The following BRD3 variants were observed in gnomAD, a reference collection of about 807,000 sequenced individuals.
BRD3 encodes bromodomain-containing protein 3.
Under a neutral mutation model 66.8 loss-of-function variants are expected in BRD3, and 17 were observed. The ratio of observed to expected loss-of-function variants is 0.25; its 90% CI spans 0.17 to 0.38. BRD3 has a LOEUF of 0.38. Among genes scored for constraint, BRD3 ranks in the 10% least tolerant of loss-of-function variants. The pLI, the probability that BRD3 is intolerant of heterozygous loss-of-function variation, is 1.00. For synonymous variants in BRD3, 421 were observed against 393.2 expected, an observed-to-expected ratio of 1.07 and a Z score of -0.84; for missense variants, 713 against 956.1, an observed-to-expected ratio of 0.75 and a Z score of 3.35.
At chr9:134,049,243 TCAGCACC>T (rs932490107) in intron 5 of BRD3, among the ~76,000 whole-genome samples, 6 of 152,220 alleles carry the variant, frequency 3.9e-5, no homozygotes, top group Admixed American at 2.0e-4. Flanking sequence ...TGCAAGGGCC[TCAGCACC>T]CAGCACCCAT....
intron 9 of BRD3, among the ~76,000 whole-genome samples, chr9:134,037,106 A>G (rs977710416): frequency 1.3e-5 from 2 of 152,334 alleles, no homozygotes; most frequent in African/African-American, 2.4e-5. Flanking sequence ...AGAAGACCCC[A>G]CTTACATAGT....
At chr9:134,050,665 G>T in intron 4 of BRD3, 77 bp from the exon 5 acceptor site, 1 of 1,216,290 alleles carries the variant, frequency 8.2e-7, no homozygotes, top group Non-Finnish European at 1.2e-6. Context: ...CACCCCTCCA[G>T]CCAGAACACG....
intron 3 of BRD3, among the ~76,000 whole-genome samples, 171 bp from the exon 4 acceptor site, chr9:134,051,880 GT>G (rs777755860): frequency 0.013 from 1,451 of 113,622 alleles, 49 homozygotes; most frequent in African/African-American, 0.031. Flanking sequence ...TGTGTGTGTT[GT>G]TTTTTTTGTT....
At position 134,051,647 on chromosome 9, in the gene BRD3, G is replaced by C; in HGVS notation, c.414C>G (p.Ala138=). Residue 138 remains alanine (A), a synonymous_variant, in exon 4 of 12, where the codon GCC becomes GCG. Transcript: ENST00000303407. ...ALEKIFLQKV[A]QMPQEEVELL... ...ATTCAACTTCCTCTTGGGGCATCTGGGCCACTTTTTGTAGAAAAATTTTCT... is the reference window on the plus strand; with the variant it reads ...ATTCAACTTCCTCTTGGGGCATCTGCGCCACTTTTTGTAGAAAAATTTTCT... The C allele has an allele frequency of 1.3e-6, 2 of 1,590,016 alleles. No individual in the cohort carries two copies. The highest frequency in any genetic ancestry group is 1.7e-6 in the Non-Finnish European group (2 of 1,172,156).
At chr9:134,044,963 A>C (rs1382476241) in intron 7 of BRD3, among the ~76,000 whole-genome samples, 1 of 152,170 alleles carries the variant, frequency 6.6e-6, no homozygotes, top group East Asian at 1.9e-4. Context: ...TGGAAACTAC[A>C]GTCAGGGAAG....
intron 7 of BRD3, among the ~76,000 whole-genome samples, chr9:134,043,162 G>A (rs1187493268): frequency 6.6e-6 from 1 of 151,616 alleles, no homozygotes; most frequent in Non-Finnish European, 1.5e-5. Context: ...GTAGGGACAG[G>A]GTCCTGCTCT....
intron 3 of BRD3, among the ~76,000 whole-genome samples, 166 bp from the exon 4 acceptor site, chr9:134,051,875 G>GTGTGTGTA (rs1554829362): frequency 2.0e-5 from 2 of 101,012 alleles, no homozygotes; most frequent in African/African-American, 8.1e-5. Context: ...GTGTGTGTGT[G>GTGTGTGTA]TGTTGTTTTT....
chr9:134,060,588 A>ACG (rs1491262575), intron 1 of BRD3, among the ~76,000 whole-genome samples: 3 of 24,926 alleles, frequency 1.2e-4, no homozygotes, highest in African/African-American at 2.8e-4. Flanking sequence ...CAAGACCCTG[A>ACG]CACACACACA....
intron 5 of BRD3, among the ~76,000 whole-genome samples, chr9:134,049,869 A>G (rs1471430228): frequency 6.6e-6 from 1 of 151,942 alleles, no homozygotes; most frequent in Non-Finnish European, 1.5e-5. Context: ...GGGAGCACCC[A>G]CTCCCTGCCA....
chr9:134,034,900 G>A, intron 10 of BRD3, 71 bp from the exon 11 acceptor site: 1 of 1,596,762 alleles, frequency 6.3e-7, no homozygotes, highest in Non-Finnish European at 8.5e-7. Context: ...CTGCATCCAG[G>A]TGGCCAAGGC....
At chr9:134,060,762 T>G (rs1395915940) in intron 1 of BRD3, among the ~76,000 whole-genome samples, 2 of 152,252 alleles carry the variant, frequency 1.3e-5, no homozygotes, top group African/African-American at 4.8e-5. Context: ...ATGGAAGGAA[T>G]GTTGGTGAGG....
chr9:134,067,310 T>C (rs1338768314), intron 1 of BRD3, among the ~76,000 whole-genome samples: 2 of 150,920 alleles, frequency 1.3e-5, no homozygotes, highest in Admixed American at 6.6e-5. Context: ...CCCGTAACTC[T>C]GGGAGGAGGC....
chr9:134,060,099 G>C (rs915809746), intron 1 of BRD3, among the ~76,000 whole-genome samples: 1 of 152,226 alleles, frequency 6.6e-6, no homozygotes, highest in African/African-American at 2.4e-5. Context: ...CCATGCTAGA[G>C]AGCCCACAGG....
intron 6 of BRD3, among the ~76,000 whole-genome samples, chr9:134,046,596 G>A (rs544399612): frequency 3.3e-5 from 5 of 152,282 alleles, no homozygotes; most frequent in Admixed American, 1.3e-4. Flanking sequence ...GATGTTGGGG[G>A]AAAAGCTAGT....
intron 9 of BRD3, among the ~76,000 whole-genome samples, chr9:134,036,830 A>G (rs1032305082): frequency 5.3e-5 from 8 of 152,010 alleles, no homozygotes; most frequent in Non-Finnish European, 1.0e-4. Flanking sequence ...ACCACGGTGA[A>G]ACCTCGTCTC....
chr9:134,036,592 C>T lies in BRD3; in HGVS notation c.1644-268G>A, dbSNP rs139402459. ...AACTCCACAGGTCAAGAAATGATCT[C>T]TGTATTCAGGTAATCCAAAAGAAGG... On this transcript the variant is annotated intron_variant, in intron 9 of 11. Transcript: ENST00000303407. The T allele has an allele frequency of 1.7e-3, 2,767 of 1,606,688 alleles. 6 individuals carry two copies. The highest frequency in any genetic ancestry group is 2.1e-3 in the Non-Finnish European group (2,477 of 1,175,376).
chr9:134,053,861 G>A (rs1293289218), intron 1 of BRD3: 5 of 235,968 alleles, frequency 2.1e-5, no homozygotes, highest in Non-Finnish European at 2.5e-5. Context: ...CATGCCACTT[G>A]CTCCCAGGTG....
intron 1 of BRD3, among the ~76,000 whole-genome samples, chr9:134,067,546 G>A (rs1437552265): frequency 1.0e-4 from 15 of 147,938 alleles, no homozygotes; most frequent in African/African-American, 2.4e-4. Flanking sequence ...GCGGGCGGAG[G>A]AAAGGGGGAA....
intron 1 of BRD3, among the ~76,000 whole-genome samples, chr9:134,060,666 G>A (rs1830521461): frequency 6.6e-6 from 1 of 152,054 alleles, no homozygotes; most frequent in Non-Finnish European, 1.5e-5. Flanking sequence ...AGCGGGGAGA[G>A]GGCAGTGGCC....
Sources: gnomAD v4.1 joint callset for allele counts (sites outside exome capture counted in the v4.1 genomes callset) on GRCh38, gnomAD v4.1.1 for gene constraint, MANE v1.5 for transcripts, NCBI Gene and HGNC (gene_info 2026-07-23, HGNC 2026-07-21) for gene names.